The following CAST variants were observed in gnomAD, a reference collection of about 807,000 sequenced individuals.
CAST encodes the protein calpastatin, also known as MIR583 host.
CAST carries 76 observed loss-of-function variants against 119.6 expected under a neutral mutation model. That is an observed-to-expected ratio of 0.64 (90% CI 0.53 to 0.77). CAST has a LOEUF of 0.77. Ranked by LOEUF, CAST falls within the 30% of genes least tolerant of loss-of-function variation. The pLI, the probability that CAST is intolerant of heterozygous loss-of-function variation, is 0.00. For missense variants in CAST, 953 were observed against 946.5 expected (o/e 1.01, Z -0.09); for synonymous variants, 319 against 331.6 (o/e 0.96, Z 0.41).
the CAST span, among the ~76,000 whole-genome samples, chr5:96,024,181 G>C: frequency 6.6e-6 from 1 of 152,218 alleles, no homozygotes; most frequent in East Asian, 1.9e-4. Context: ...TAGTAGAAAA[G>C]TTTATTTTGT....
chr5:96,690,501 A>C (rs577011913), intron 2 of CAST, among the ~76,000 whole-genome samples: 1 of 152,206 alleles, frequency 6.6e-6, no homozygotes, highest in African/African-American at 2.4e-5. Flanking sequence ...AAGTGCTAGG[A>C]TTACAGGCAT....
chr5:96,621,799 C>T (rs979966604), intron 1 of CAST, among the ~76,000 whole-genome samples: 3 of 152,096 alleles, frequency 2.0e-5, no homozygotes. Flanking sequence ...TTCTCTCCTT[C>T]TATCTTACTG....
the CAST span, among the ~76,000 whole-genome samples, chr5:96,468,562 G>A: frequency 0.023 from 3,532 of 152,150 alleles, 122 homozygotes; most frequent in African/African-American, 0.081. Context: ...AACCCAGGTA[G>A]AGCCATAAAT....
chr5:96,207,238 C>G, the CAST span, among the ~76,000 whole-genome samples: 1 of 152,078 alleles, frequency 6.6e-6, no homozygotes, highest in Non-Finnish European at 1.5e-5. Flanking sequence ...AGAATCATAT[C>G]ATTTGCAAAC....
At chr5:96,379,673 A>G in the CAST span, 7 of 152,138 alleles carry the variant, frequency 4.6e-5, no homozygotes, top group African/African-American at 9.7e-5. Context: ...CTGTGTTTAT[A>G]TTTGCATCGA....
At chr5:96,421,417 C>T in the CAST span, among the ~76,000 whole-genome samples, 2 of 152,206 alleles carry the variant, frequency 1.3e-5, no homozygotes, top group South Asian at 4.1e-4. Context: ...GGAGTTTGGC[C>T]ATGCTCTTCT....
the CAST span, among the ~76,000 whole-genome samples, chr5:96,202,902 T>C: frequency 6.6e-6 from 1 of 152,094 alleles, no homozygotes. Context: ...TTTGAATCCT[T>C]TCTTAGGACT....
chr5:96,056,871 T>C, the CAST span, among the ~76,000 whole-genome samples: 1 of 152,142 alleles, frequency 6.6e-6, no homozygotes, highest in African/African-American at 2.4e-5. Flanking sequence ...GTGAGGGATC[T>C]CTCTACCATC....
the CAST span, among the ~76,000 whole-genome samples, chr5:96,180,841 C>G: frequency 3.9e-5 from 6 of 152,184 alleles, no homozygotes; most frequent in African/African-American, 9.7e-5. Context: ...CTTGGAGCAA[C>G]TCAGTGAGCA....
chr5:96,403,587 C>G, the CAST span, among the ~76,000 whole-genome samples: 1 of 152,162 alleles, frequency 6.6e-6, no homozygotes, highest in Non-Finnish European at 1.5e-5. Context: ...AATTTTTAAA[C>G]ACTGCATTGA....
chr5:96,030,290 A>C, the CAST span, among the ~76,000 whole-genome samples: 1 of 152,182 alleles, frequency 6.6e-6, no homozygotes, highest in Non-Finnish European at 1.5e-5. Flanking sequence ...GGATGATAGA[A>C]CATATTTTAG....
chr5:96,108,327 G>A, the CAST span, among the ~76,000 whole-genome samples: 1 of 152,292 alleles, frequency 6.6e-6, no homozygotes, highest in East Asian at 1.9e-4. Flanking sequence ...CAGTTTTTCT[G>A]CTCTGTTTTT....
chr5:96,182,328 T>C, the CAST span, among the ~76,000 whole-genome samples: 1 of 152,214 alleles, frequency 6.6e-6, no homozygotes, highest in Admixed American at 6.5e-5. Context: ...AAGTCCTTAC[T>C]TGGGCTTGGA....
At chr5:96,025,494 G>A in the CAST span, among the ~76,000 whole-genome samples, 9 of 152,134 alleles carry the variant, frequency 5.9e-5, no homozygotes, top group African/African-American at 1.7e-4. Flanking sequence ...CAATCAGTCC[G>A]TAGCAAGTTC....
the CAST span, among the ~76,000 whole-genome samples, chr5:96,096,316 T>G: frequency 6.6e-6 from 1 of 152,208 alleles, no homozygotes; most frequent in African/African-American, 2.4e-5. Flanking sequence ...AAATAATGCT[T>G]GTAAACAATT....
At chr5:95,997,756 C>T in the CAST span, among the ~76,000 whole-genome samples, 56 of 152,186 alleles carry the variant, frequency 3.7e-4, no homozygotes, top group Admixed American at 1.6e-3. Context: ...CCAGTAGGAT[C>T]TTGCCATCCT....
chr5:96,297,975 A>G, the CAST span, among the ~76,000 whole-genome samples: 1 of 152,234 alleles, frequency 6.6e-6, no homozygotes, highest in Non-Finnish European at 1.5e-5. Context: ...AGAGAAATGT[A>G]GAAGCATCTG....
At position 96,695,899 on chromosome 5, in the gene CAST, G is replaced by T. The variant is rs1339868680; in HGVS notation, c.202G>T (p.Ala68Ser). ...SRTYAGGTAS[A>S]TKVSASSGAT... The stretch of plus-strand genomic sequence containing the variant: ...AACCTATGCTGGTGGAACAGCCTCG[G>T]CCACCAAGGTCAGTGATTTCCTGAA... Residue 68 changes from alanine (A) to serine (S), a missense_variant, in exon 3 of 32, where the codon GCC becomes TCC. Transcript: ENST00000675179. 3 of 1,611,230 alleles carry T rather than the reference G, an allele frequency of 1.9e-6. No homozygotes were observed. The East Asian group carries it at 6.7e-5, about 36-fold the overall frequency.
the CAST span, among the ~76,000 whole-genome samples, chr5:96,433,853 C>A: frequency 6.6e-6 from 1 of 152,212 alleles, no homozygotes; most frequent in Non-Finnish European, 1.5e-5. Flanking sequence ...TCCCTCCTCC[C>A]CTTTGTTTCT....
Sources: gnomAD v4.1 joint callset for allele counts (sites outside exome capture counted in the v4.1 genomes callset) on GRCh38, gnomAD v4.1.1 for gene constraint, MANE v1.5 for transcripts, NCBI Gene and HGNC (gene_info 2026-07-23, HGNC 2026-07-21) for gene names.